POLN: variants seen among roughly 807,000 people sequenced by gnomAD.
POLN encodes DNA polymerase nu.
POLN carries 108 observed loss-of-function variants against 113.5 expected under a neutral mutation model. That is an observed-to-expected ratio of 0.95 (90% CI 0.81 to 1.12). The LOEUF is 1.12. POLN is among the 50% of genes most tolerant of loss of function. The pLI, the probability that POLN is intolerant of heterozygous loss-of-function variation, is 0.00. For synonymous variants in POLN, 386 were observed against 391.5 expected, an observed-to-expected ratio of 0.99 and a Z score of 0.17; for missense variants, 1,097 against 1,077.1, an observed-to-expected ratio of 1.02 and a Z score of -0.26.
At chr4:2,078,490 T>TTTA in intron 23 of POLN, 1 of 741,312 alleles carries the variant, frequency 1.3e-6, no homozygotes, top group Admixed American at 6.3e-5. Flanking sequence ...TTTTTTTTTG[T>TTTA]TAGACAGACT....
chr4:2,132,645 G>A (rs1477790085), intron 16 of POLN, among the ~76,000 whole-genome samples: 1 of 152,218 alleles, frequency 6.6e-6, no homozygotes, highest in Non-Finnish European at 1.5e-5. Flanking sequence ...GTGAGTGACT[G>A]CAGATTTCCT....
Position 2,208,263 on chromosome 4 carries a change from A to G in POLN, c.438T>C (p.Asn146=). 3.2e-6 allele frequency: 5 copies of G among 1,586,814 alleles called. No individual in the cohort carries two copies. The highest frequency in any genetic ancestry group is 1.7e-6 in the Non-Finnish European group (2 of 1,160,888). The part of the protein sequence containing the change: ...RKHFLMENIN[N]ENKGSINLKR... The stretch of plus-strand genomic sequence containing the variant: ...TAAGATTAATGCTTCCTTTATTTTC[A>G]TTATTTATATTCTCCATTAGGAAAT... Residue 146 remains asparagine (N), a synonymous_variant, in exon 5 of 26, where the codon AAT becomes AAC. Coordinates refer to ENST00000511885, the MANE Select transcript of POLN (RefSeq NM_181808.4).
chr4:2,144,981 T>C (rs940423988), intron 16 of POLN, among the ~76,000 whole-genome samples: 1 of 152,178 alleles, frequency 6.6e-6, no homozygotes, highest in Admixed American at 6.5e-5. Context: ...ATTGAGAGCC[T>C]AGAAACAGAC....
At chr4:2,217,538 T>A (rs1287278976) in intron 3 of POLN, among the ~76,000 whole-genome samples, 5 of 152,214 alleles carry the variant, frequency 3.3e-5, no homozygotes, top group Non-Finnish European at 7.3e-5. Context: ...CAGAACCAGC[T>A]CATGCTGGCA....
At position 2,129,265 on chromosome 4, in the gene POLN, T is replaced by C. The variant is rs755020053; in HGVS notation, c.1790-9A>G. 1 of 1,560,574 alleles carries C rather than the reference T, an allele frequency of 6.4e-7. No homozygotes were observed. Among genetic ancestry groups the C allele is most frequent in the Non-Finnish European group, 8.8e-7 (1 of 1,131,706 alleles). The stretch of plus-strand genomic sequence containing the variant: ...AATCTTGTCTTCTTTACCTGAATTG[T>C]TATTTCAAGAGCATTTAGTGAATTT... On this transcript the variant is annotated splice_polypyrimidine_tract_variant and intron_variant, in intron 17 of 25. Coordinates refer to ENST00000511885, the MANE Select transcript of POLN (RefSeq NM_181808.4).
chr4:2,105,953 T>G (rs971583863), intron 19 of POLN, among the ~76,000 whole-genome samples: 1 of 152,124 alleles, frequency 6.6e-6, no homozygotes, highest in Non-Finnish European at 1.5e-5. Flanking sequence ...CTCCCTAGTC[T>G]GTGGCCTTCT....
At chr4:2,231,987 T>A in intron 2 of POLN, 25 of 1,495,024 alleles carry the variant, frequency 1.7e-5, no homozygotes, top group Non-Finnish European at 2.3e-5. Context: ...CCACAATATC[T>A]TTCAGATAAT....
At chr4:2,080,226 T>C in intron 23 of POLN, 1 of 987,850 alleles carries the variant, frequency 1.0e-6, no homozygotes, top group Non-Finnish European at 1.2e-6. Flanking sequence ...CCCCAGGCCT[T>C]GGCTGGCAAG....
chr4:2,240,318 C>T, intron 2 of POLN: 1 of 1,606,730 alleles, frequency 6.2e-7, no homozygotes, highest in Non-Finnish European at 8.5e-7. Context: ...TGCTGCTGTG[C>T]TTTGCTCTTC....
At chr4:2,072,944 G>A (rs779695188) in intron 25 of POLN, 24 bp downstream of exon 25, 15 of 1,611,190 alleles carry the variant, frequency 9.3e-6, no homozygotes, top group African/African-American at 1.3e-5. Flanking sequence ...CCGGAAGACC[G>A]GGCAGGCTTA....
Position 2,217,065 on chromosome 4 carries a change from C to A in POLN, c.134-3939G>T, listed in dbSNP as rs1052807843. Among the ~76,000 whole-genome samples, 3 of 152,180 alleles carry A rather than the reference C, an allele frequency of 2.0e-5. No homozygotes were observed. In the South Asian group the frequency reaches 6.2e-4, roughly 31 times the overall value. On this transcript the variant is annotated intron_variant, in intron 3 of 25. Coordinates refer to ENST00000511885, the MANE Select transcript of POLN (RefSeq NM_181808.4). ...GAATGTTCTTGGGTGGGAAGTACTT[C>A]GTGACTGTTCCCACAGATCCCTCCA...
rs531842896 is a variant in POLN, at chr4:2,236,019, T to G, written c.-13+5501A>C. On this transcript the variant is annotated intron_variant, in intron 2 of 25. Coordinates refer to ENST00000511885, the MANE Select transcript of POLN (RefSeq NM_181808.4). ...ATATTCTTTTGTGTCTGAAAAATTATATACATTTTTAAATTTCTGTGCACA... is the reference window on the plus strand; with the variant it reads ...ATATTCTTTTGTGTCTGAAAAATTAGATACATTTTTAAATTTCTGTGCACA... 2.0e-5 allele frequency among the ~76,000 whole-genome samples: 3 copies of G among 152,332 alleles called. No homozygotes were observed. In the South Asian group the frequency reaches 6.2e-4, roughly 32 times the overall value.
At chr4:2,115,229 T>TATATATATA (rs1553895279) in intron 19 of POLN, among the ~76,000 whole-genome samples, 5 of 30,854 alleles carry the variant, frequency 1.6e-4, no homozygotes, top group African/African-American at 3.4e-4. Context: ...TATATATATA[T>TATATATATA]TTTTTTTTTT....
At chr4:2,130,212 C>A (rs1731687754) in intron 17 of POLN, among the ~76,000 whole-genome samples, 1 of 150,996 alleles carries the variant, frequency 6.6e-6, no homozygotes. Flanking sequence ...CAACACTGCA[C>A]TCCAGCCTGG....
intron 3 of POLN, among the ~76,000 whole-genome samples, chr4:2,219,036 A>G (rs1187735853): frequency 6.6e-6 from 1 of 152,180 alleles, no homozygotes; most frequent in Non-Finnish European, 1.5e-5. Flanking sequence ...AGGCAGTTTC[A>G]GCGTCATCCA....
At chr4:2,203,308 G>A (rs934348607) in intron 5 of POLN, among the ~76,000 whole-genome samples, 17 of 152,020 alleles carry the variant, frequency 1.1e-4, no homozygotes, top group Admixed American at 7.2e-4. Flanking sequence ...TGGGCCGGGC[G>A]CGGTGGTTCA....
At chr4:2,072,945 G>C (rs1285533202) in intron 25 of POLN, 23 bp downstream of exon 25, 2 of 1,611,540 alleles carry the variant, frequency 1.2e-6, no homozygotes, top group South Asian at 1.1e-5. Flanking sequence ...CGGAAGACCG[G>C]GCAGGCTTAA....
At chr4:2,103,612 C>A (rs35579014) in intron 19 of POLN, among the ~76,000 whole-genome samples, 1 of 152,080 alleles carries the variant, frequency 6.6e-6, no homozygotes, top group African/African-American at 2.4e-5. Context: ...CAGCAATCCC[C>A]GGGAAAATAC....
At chr4:2,161,290 C>T (rs900389004) in intron 13 of POLN, among the ~76,000 whole-genome samples, 3 of 152,196 alleles carry the variant, frequency 2.0e-5, no homozygotes, top group Admixed American at 1.3e-4. Flanking sequence ...GAGCGGGAAC[C>T]GGGGCTGCGC....
Sources: gnomAD v4.1 joint callset for allele counts (sites outside exome capture counted in the v4.1 genomes callset) on GRCh38, gnomAD v4.1.1 for gene constraint, MANE v1.5 for transcripts, NCBI Gene and HGNC (gene_info 2026-07-23, HGNC 2026-07-21) for gene names.